PLXNA2: variants seen among roughly 807,000 people sequenced by gnomAD.
PLXNA2 encodes plexin A2, also known as plexin-A2.
Under a neutral mutation model 193.5 loss-of-function variants are expected in PLXNA2, and 91 were observed. The ratio of observed to expected loss-of-function variants is 0.47; its 90% CI spans 0.40 to 0.56. The LOEUF is 0.56. Ranked by LOEUF, PLXNA2 falls within the 20% of genes least tolerant of loss-of-function variation. The pLI, the probability that PLXNA2 is intolerant of heterozygous loss-of-function variation, is 0.00. For missense variants in PLXNA2, 1,995 were observed against 2,503.2 expected, an observed-to-expected ratio of 0.80 and a Z score of 4.33; for synonymous variants, 997 against 1,027.3, an observed-to-expected ratio of 0.97 and a Z score of 0.56.
chr1:208,037,472 T>C (rs991646384), intron 26 of PLXNA2, among the ~76,000 whole-genome samples: 1 of 152,224 alleles, frequency 6.6e-6, no homozygotes, highest in Non-Finnish European at 1.5e-5. Context: ...CAGATCCTTC[T>C]TTCCGAGACA....
chr1:208,064,018 C>G (rs1021904388), intron 12 of PLXNA2, among the ~76,000 whole-genome samples: 2 of 152,144 alleles, frequency 1.3e-5, no homozygotes, highest in African/African-American at 4.8e-5. Flanking sequence ...CCTCCCACCC[C>G]CAAGCCAATT....
chr1:208,042,939 C>A (rs1664923557), intron 21 of PLXNA2, 122 bp downstream of exon 21: 1 of 960,866 alleles, frequency 1.0e-6, no homozygotes. Context: ...GATGCTGTTA[C>A]AAACTACTGA....
chr1:208,143,947 T>C (rs1383076904), intron 3 of PLXNA2, among the ~76,000 whole-genome samples: 1 of 152,154 alleles, frequency 6.6e-6, no homozygotes, highest in Admixed American at 6.6e-5. Context: ...CGGCAACGGA[T>C]AAAAGGGAAT....
At chr1:208,211,500 T>C (rs1670942864) in intron 2 of PLXNA2, among the ~76,000 whole-genome samples, 1 of 152,186 alleles carries the variant, frequency 6.6e-6, no homozygotes, top group East Asian at 1.9e-4. Context: ...GAGACCATTC[T>C]GGCCAACATA....
chr1:208,153,214 C>T (rs574591808), intron 3 of PLXNA2, among the ~76,000 whole-genome samples: 2 of 152,264 alleles, frequency 1.3e-5, no homozygotes, highest in South Asian at 2.1e-4. Context: ...TGATGTCATG[C>T]TAAAGGCTTT....
intron 13 of PLXNA2, among the ~76,000 whole-genome samples, chr1:208,056,951 C>T (rs1665451510): frequency 6.6e-6 from 1 of 152,196 alleles, no homozygotes; most frequent in Admixed American, 6.5e-5. Context: ...CCTTTCATTC[C>T]TGGGACCCAG....
chr1:208,114,067 T>C (rs1489504805), intron 4 of PLXNA2, among the ~76,000 whole-genome samples: 1 of 152,092 alleles, frequency 6.6e-6, no homozygotes, highest in Non-Finnish European at 1.5e-5. Context: ...GAGAATACTT[T>C]TATAATAGGG....
intron 7 of PLXNA2, 99 bp downstream of exon 7, chr1:208,096,631 T>C: frequency 7.4e-7 from 1 of 1,348,432 alleles, no homozygotes; most frequent in Non-Finnish European, 1.0e-6. Context: ...AATATTAGTA[T>C]CTGGTATAAG....
chr1:208,093,722 G>T (rs964867338), intron 8 of PLXNA2, among the ~76,000 whole-genome samples: 15 of 152,322 alleles, frequency 9.8e-5, no homozygotes, highest in African/African-American at 3.4e-4. Context: ...GGATATGTGT[G>T]TGGTATGTGC....
In PLXNA2 at chr1:208,045,058, C is replaced by A; in HGVS notation, c.3639+9G>T. 1 of 1,613,974 alleles carries A rather than the reference C, an allele frequency of 6.2e-7. No homozygotes were observed. The highest frequency in any genetic ancestry group is 1.1e-5 in the South Asian group (1 of 91,070). ...GGAAGGAGGCATTACAGACGCAGGG[C>A]TCACTCACCATGACCTTGTGCTGCC... On this transcript the variant is annotated intron_variant, in intron 19 of 31. Coordinates refer to ENST00000367033, the MANE Select transcript of PLXNA2 (RefSeq NM_025179.4).
chr1:208,110,034 C>T (rs1667411779), intron 4 of PLXNA2, among the ~76,000 whole-genome samples: 1 of 152,224 alleles, frequency 6.6e-6, no homozygotes, highest in South Asian at 2.1e-4. Flanking sequence ...GATTTTCTGC[C>T]TGGCAGCCTA....
Position 208,086,789 on chromosome 1 carries a change from CAA to C in PLXNA2, c.2098-2211_2098-2210del, listed in dbSNP as rs11355579. On this transcript the variant is annotated intron_variant, in intron 9 of 31. Coordinates refer to ENST00000367033, the MANE Select transcript of PLXNA2 (RefSeq NM_025179.4). ...ACAGACTCTTTCATATATTTATAGC[CAA>C]AAAAAAAAAAAAAAAAGATGAGCAC... 1.6e-3 allele frequency among the ~76,000 whole-genome samples: 206 copies of C among 125,798 alleles called. 1 individual carries two copies. Among genetic ancestry groups the C allele is most frequent in the Middle Eastern group, 4.2e-3 (1 of 240 alleles). The allele number at this position is 125,798 out of a possible 152,430, so 82.5% of individuals were successfully genotyped here. A position where few individuals can be genotyped will look rare whatever the true frequency, so the allele number is the denominator to read the frequency against.
At chr1:208,185,720 G>GAAAAAAAAAAAAAAAAAAAAAAA (rs79068594) in intron 3 of PLXNA2, among the ~76,000 whole-genome samples, 1 of 81,768 alleles carries the variant, frequency 1.2e-5, no homozygotes, top group Non-Finnish European at 2.5e-5. Context: ...AAAAAAAAAG[G>GAAAAAAAAAAAAAAAAAAAAAAA]AAAAAAAAAA....
chr1:208,119,806 G>A (rs1361458642), intron 4 of PLXNA2, among the ~76,000 whole-genome samples: 1 of 152,126 alleles, frequency 6.6e-6, no homozygotes, highest in Non-Finnish European at 1.5e-5. Flanking sequence ...GTAGAGATGG[G>A]GTTTCACCAT....
rs1013901273 is a variant in PLXNA2, at chr1:208,030,416, G to A, written c.5225+1174C>T. 32 of 985,462 alleles carry A rather than the reference G, an allele frequency of 3.2e-5. No homozygotes were observed. The East Asian group carries it at 5.7e-4, about 17-fold the overall frequency. 61.0% of individuals were successfully genotyped at this position (985,462 alleles called of 1,614,324 possible). On this transcript the variant is annotated intron_variant, in intron 29 of 31. Transcript: ENST00000367033. ...AAGTGCCCTCTCCCAGCGCTGGGCC[G>A]GGGATGCTCCAAAGCAAAGGGGACA...
rs531805932 is a variant in PLXNA2, at chr1:208,037,584, G to C, written c.4764+787C>G. Among the ~76,000 whole-genome samples, 83 of 152,182 alleles carry C rather than the reference G, an allele frequency of 5.5e-4. 1 individual carries two copies. The highest frequency in any genetic ancestry group is 9.7e-4 in the Non-Finnish European group (66 of 68,012). ...TTTCCCTTGGTGTCTCTTATTTCCAGTTTCTATTTTAGTATTTTTTCTGAA... is the reference window on the plus strand; with the variant it reads ...TTTCCCTTGGTGTCTCTTATTTCCACTTTCTATTTTAGTATTTTTTCTGAA... On this transcript the variant is annotated intron_variant, in intron 26 of 31. Coordinates refer to ENST00000367033, the MANE Select transcript of PLXNA2 (RefSeq NM_025179.4).
intron 12 of PLXNA2, among the ~76,000 whole-genome samples, chr1:208,076,363 A>G (rs1666148797): frequency 6.6e-6 from 1 of 152,114 alleles, no homozygotes; most frequent in East Asian, 1.9e-4. Flanking sequence ...TACAGGTGTG[A>G]GCCACTGCAG....
chr1:208,059,567 G>A (rs146173677), intron 13 of PLXNA2, among the ~76,000 whole-genome samples: 39 of 152,300 alleles, frequency 2.6e-4, no homozygotes, highest in East Asian at 1.5e-3. Flanking sequence ...TCCAGGAGTC[G>A]TGCCCCATCA....
At chr1:208,165,598 T>C (rs1040752318) in intron 3 of PLXNA2, among the ~76,000 whole-genome samples, 1 of 152,150 alleles carries the variant, frequency 6.6e-6, no homozygotes, top group East Asian at 1.9e-4. Context: ...CTTTCGTCAA[T>C]AGCCTCTTTC....
Sources: gnomAD v4.1 joint callset for allele counts (sites outside exome capture counted in the v4.1 genomes callset) on GRCh38, gnomAD v4.1.1 for gene constraint, MANE v1.5 for transcripts, NCBI Gene and HGNC (gene_info 2026-07-23, HGNC 2026-07-21) for gene names.